Variants in LAMA2 observed in about 807,000 individuals in gnomAD.
LAMA2 encodes laminin subunit alpha 2.
LAMA2 carries 269 observed loss-of-function variants against 364.8 expected under a neutral mutation model. The observed-to-expected ratio is 0.74, with a 90% confidence interval of 0.67 to 0.82. The LOEUF (loss-of-function observed/expected upper bound fraction) is 0.82. Ranked by LOEUF, LAMA2 falls within the 40% of genes least tolerant of loss-of-function variation. The pLI, the probability that LAMA2 is intolerant of heterozygous loss-of-function variation, is 0.00. For missense variants in LAMA2, 3,807 were observed against 3,873.2 expected (o/e 0.98, Z 0.45); for synonymous variants, 1,379 against 1,370.6 (o/e 1.01, Z -0.14).
intron 1 of LAMA2, among the ~76,000 whole-genome samples, chr6:128,933,230 C>CTGTGTGTGTG (rs71028134): frequency 1.9e-4 from 28 of 146,286 alleles, no homozygotes; most frequent in Non-Finnish European, 3.5e-4. Context: ...CCCTCTCTTT[C>CTGTGTGTGTG]TGTGTGTGTG....
chr6:129,138,360 C>A (rs569505153), intron 4 of LAMA2, among the ~76,000 whole-genome samples: 2 of 151,890 alleles, frequency 1.3e-5, no homozygotes, highest in African/African-American at 4.8e-5. Context: ...GAGAAAATAA[C>A]AAAATATGAA....
chr6:129,166,556 T>A (rs6940025), intron 9 of LAMA2, among the ~76,000 whole-genome samples: 10,420 of 152,232 alleles, frequency 0.068, 675 homozygotes, highest in African/African-American at 0.17. Context: ...CGGATACGTT[T>A]TGATAGTCGA....
At chr6:129,511,336 C>G (rs1236969582) in intron 62 of LAMA2, among the ~76,000 whole-genome samples, 1 of 152,108 alleles carries the variant, frequency 6.6e-6, no homozygotes, top group Non-Finnish European at 1.5e-5. Flanking sequence ...CCTTACTTCT[C>G]CCTTTCTGTT....
intron 1 of LAMA2, among the ~76,000 whole-genome samples, chr6:128,986,287 T>C (rs985041360): frequency 1.4e-4 from 22 of 152,292 alleles, no homozygotes; most frequent in African/African-American, 5.1e-4. Flanking sequence ...GCATATTTCC[T>C]GTCCTGGTTT....
chr6:129,123,873 G>A (rs370449974), intron 4 of LAMA2, among the ~76,000 whole-genome samples: 6 of 152,224 alleles, frequency 3.9e-5, no homozygotes, highest in African/African-American at 1.4e-4. Flanking sequence ...TCCTAACAAA[G>A]TCAATCTTAC....
intron 1 of LAMA2, among the ~76,000 whole-genome samples, chr6:128,925,191 G>T (rs1404717654): frequency 6.6e-6 from 1 of 152,048 alleles, no homozygotes; most frequent in Non-Finnish European, 1.5e-5. Flanking sequence ...TTAAAAGCAG[G>T]GTCCTGAAAA....
In LAMA2 at chr6:128,961,158, G is replaced by A. The variant is rs371931600; in HGVS notation, c.112+77801G>A. 3.5e-4 allele frequency among the ~76,000 whole-genome samples: 52 copies of A among 150,668 alleles called. No individual in the cohort carries two copies. The South Asian group carries it at 0.011, about 31-fold the overall frequency. Reference sequence around the variant, plus strand: ...AGAACGGAGTATGAGCTAAGGATGAGAATAATCACACTCTACAATATGTAG... The same window carrying A: ...AGAACGGAGTATGAGCTAAGGATGAAAATAATCACACTCTACAATATGTAG... On this transcript the variant is annotated intron_variant, in intron 1 of 64. Transcript: ENST00000421865.
At chr6:129,334,500 A>G (rs574775852) in intron 29 of LAMA2, among the ~76,000 whole-genome samples, 109 of 152,332 alleles carry the variant, frequency 7.2e-4, no homozygotes, top group African/African-American at 2.5e-3. Flanking sequence ...GATAATTACC[A>G]TACACATTAT....
At chr6:129,353,102 A>C in intron 31 of LAMA2, 62 bp from the exon 32 acceptor site, 1 of 1,326,164 alleles carries the variant, frequency 7.5e-7, no homozygotes, top group Middle Eastern at 2.1e-4. Flanking sequence ...AAGACCACAC[A>C]CAACAATGTG....
At chr6:129,112,526 G>T (rs1211400756) in intron 4 of LAMA2, among the ~76,000 whole-genome samples, 2 of 151,748 alleles carry the variant, frequency 1.3e-5, no homozygotes, top group Non-Finnish European at 2.9e-5. Context: ...AAATTTCTTG[G>T]GTATATGTAG....
At chr6:129,165,150 A>G (rs1228978914) in intron 8 of LAMA2, among the ~76,000 whole-genome samples, 1 of 151,516 alleles carries the variant, frequency 6.6e-6, no homozygotes, top group East Asian at 1.9e-4. Flanking sequence ...TATGAACTAT[A>G]TTGAATAGGT....
rs138213540 is a variant in LAMA2, at chr6:129,184,807, C to T, written c.1468-5398C>T. On this transcript the variant is annotated intron_variant, in intron 10 of 64. Coordinates refer to ENST00000421865, the MANE Select transcript of LAMA2 (RefSeq NM_000426.4). ...GTTTCTCACTGAAGCCTATTTTCAT[C>T]GTTTTAACTACTGTCCAGCTCTGGT... Among the ~76,000 whole-genome samples the T allele has an allele frequency of 3.3e-5, 5 of 151,918 alleles. No homozygotes were observed. In the South Asian group the frequency reaches 6.2e-4, roughly 19 times the overall value.
intron 4 of LAMA2, among the ~76,000 whole-genome samples, chr6:129,142,849 A>G (rs1258258789): frequency 6.6e-6 from 1 of 152,000 alleles, no homozygotes; most frequent in African/African-American, 2.4e-5. Context: ...CATTTATCCT[A>G]TTATGAGGGA....
At chr6:129,221,104 A>C (rs1362016463) in intron 12 of LAMA2, among the ~76,000 whole-genome samples, 1 of 151,408 alleles carries the variant, frequency 6.6e-6, no homozygotes, top group East Asian at 1.9e-4. Flanking sequence ...AAGAGGTTGC[A>C]GTGAGCCAAG....
chr6:129,131,427 C>A (rs998585492), intron 4 of LAMA2, among the ~76,000 whole-genome samples: 3 of 152,188 alleles, frequency 2.0e-5, no homozygotes, highest in Non-Finnish European at 2.9e-5. Flanking sequence ...GCCAGCTAAC[C>A]ATCAACACAA....
chr6:129,056,165 G>A (rs893914298), intron 2 of LAMA2, among the ~76,000 whole-genome samples: 3 of 152,146 alleles, frequency 2.0e-5, no homozygotes, highest in African/African-American at 2.4e-5. Flanking sequence ...AAAGATTCAG[G>A]AGGATGTTTG....
At chr6:129,096,516 G>A (rs1775198270) in intron 3 of LAMA2, among the ~76,000 whole-genome samples, 1 of 152,180 alleles carries the variant, frequency 6.6e-6, no homozygotes, top group South Asian at 2.1e-4. Flanking sequence ...TCTATCTGCA[G>A]TTATACCTAT....
At chr6:129,068,968 TA>T (rs1773120749) in intron 3 of LAMA2, among the ~76,000 whole-genome samples, 1 of 152,206 alleles carries the variant, frequency 6.6e-6, no homozygotes, top group African/African-American at 2.4e-5. Flanking sequence ...TATTTTGATC[TA>T]AAATGTTGAT....
chr6:129,442,774 A>G (rs1394976809), intron 43 of LAMA2: 1 of 437,640 alleles, frequency 2.3e-6, no homozygotes, highest in East Asian at 5.7e-5. Context: ...CCTATCCTCT[A>G]TTATGAGAAA....
Sources: allele counts gnomAD v4.1 joint callset (sites outside exome capture counted in the v4.1 genomes callset), GRCh38; gene constraint gnomAD v4.1.1; transcripts MANE v1.5; gene names NCBI Gene and HGNC (gene_info 2026-07-23, HGNC 2026-07-21).